The following TENM4 variants were observed in gnomAD, a reference collection of about 807,000 sequenced individuals.
TENM4 encodes teneurin-4.
A neutral mutation model predicts 243.3 loss-of-function variants in TENM4; 82 were observed. The ratio of observed to expected loss-of-function variants is 0.34; its 90% confidence interval spans 0.28 to 0.40. TENM4 has a LOEUF of 0.40. Ranked by LOEUF, TENM4 falls within the 10% of genes least tolerant of loss-of-function variation. The probability of loss-of-function intolerance (pLI) is 1.00; values close to 1 mark genes in which losing one functional copy is unlikely to be tolerated. For missense variants in TENM4, 3,138 were observed against 3,673.3 expected, an observed-to-expected ratio of 0.85 and a Z score of 3.77; for synonymous variants, 1,412 against 1,456.3, an observed-to-expected ratio of 0.97 and a Z score of 0.69.
At chr11:79,167,507 G>A (rs1454403171) in intron 3 of TENM4, among the ~76,000 whole-genome samples, 1 of 152,186 alleles carries the variant, frequency 6.6e-6, no homozygotes, top group Non-Finnish European at 1.5e-5. Flanking sequence ...AAGAAAATAA[G>A]GAGACACAGA....
intron 6 of TENM4, among the ~76,000 whole-genome samples, chr11:79,040,686 C>T (rs1244816616): frequency 2.6e-5 from 4 of 152,186 alleles, no homozygotes; most frequent in Admixed American, 2.6e-4. Flanking sequence ...GATGATGCTG[C>T]TGCCCCACTT....
intron 6 of TENM4, among the ~76,000 whole-genome samples, chr11:79,044,577 G>A (rs1046623788): frequency 2.0e-5 from 3 of 152,232 alleles, no homozygotes; most frequent in Admixed American, 1.3e-4. Flanking sequence ...GCTTGTGAGT[G>A]CTGGGCCTGA....
intron 15 of TENM4, among the ~76,000 whole-genome samples, chr11:78,803,682 G>A (rs1857329747): frequency 6.6e-6 from 1 of 152,182 alleles, no homozygotes; most frequent in African/African-American, 2.4e-5. Context: ...AGAATACTTA[G>A]TAATCTCATC....
chr11:78,709,506 G>A (rs1265153545), intron 26 of TENM4, among the ~76,000 whole-genome samples: 1 of 152,140 alleles, frequency 6.6e-6, no homozygotes, highest in Non-Finnish European at 1.5e-5. Context: ...AAGTCACTGA[G>A]CATCTCTGTG....
At position 79,163,150 on chromosome 11, in the gene TENM4, A is replaced by C. The variant is rs573343444; in HGVS notation, c.-162-14344T>G. 3.3e-5 allele frequency among the ~76,000 whole-genome samples: 5 copies of C among 152,142 alleles called. No homozygotes were observed. In the East Asian group the frequency reaches 9.7e-4, roughly 29 times the overall value. ...GGAGGACAGAATTTCCCTCTGCCCA[A>C]TGGCACAGACGATCTGAGAGGACAG... is the stretch of plus-strand genomic sequence containing the variant. On this transcript the variant is annotated intron_variant, in intron 3 of 33. Transcript: ENST00000278550.
intron 10 of TENM4, among the ~76,000 whole-genome samples, chr11:78,858,757 A>G (rs553704891): frequency 4.1e-4 from 63 of 152,300 alleles, no homozygotes; most frequent in Non-Finnish European, 7.9e-4. Flanking sequence ...ATTGGAGGCA[A>G]AAAGTCTTGT....
chr11:78,654,100 TTAAA>T lies in TENM4; in HGVS notation c.*3954_*3957del, dbSNP rs1361338990. 2.0e-5 allele frequency: 3 copies of T among 152,208 alleles called. No individual in the cohort carries two copies. The highest frequency in any genetic ancestry group is 3.8e-4 in the East Asian group (2 of 5,204). The allele number at this position is 152,208 out of a possible 1,614,324, so 9.4% of individuals were successfully genotyped here. On this transcript the variant is annotated 3_prime_UTR_variant, in exon 34 of 34. Transcript: ENST00000278550. The stretch of plus-strand genomic sequence containing the variant: ...TAAACCTAGCTGGGAATGATGTGCC[TTAAA>T]TAGAGAGGTTTTCATTCTAACAAGG...
chr11:78,775,290 C>G (rs1215123958), intron 17 of TENM4, among the ~76,000 whole-genome samples: 1 of 152,188 alleles, frequency 6.6e-6, no homozygotes, highest in East Asian at 1.9e-4. Context: ...GCATCTTGGG[C>G]ACATAGTCCA....
chr11:78,799,707 G>A (rs912838802), intron 15 of TENM4, among the ~76,000 whole-genome samples: 1 of 152,216 alleles, frequency 6.6e-6, no homozygotes, highest in Non-Finnish European at 1.5e-5. Flanking sequence ...CTGTGCCACT[G>A]AATCTCTAAA....
chr11:78,949,360 G>C (rs866601828), intron 6 of TENM4, among the ~76,000 whole-genome samples: 1 of 152,178 alleles, frequency 6.6e-6, no homozygotes, highest in South Asian at 2.1e-4. Flanking sequence ...CAGTAGGTGT[G>C]CTAGAAATCT....
intron 12 of TENM4, among the ~76,000 whole-genome samples, chr11:78,834,330 T>C (rs573503367): frequency 6.6e-6 from 1 of 152,348 alleles, no homozygotes; most frequent in South Asian, 2.1e-4. Context: ...AGTTCTCTTC[T>C]CCTATATTAT....
intron 26 of TENM4, among the ~76,000 whole-genome samples, chr11:78,709,475 C>G (rs568956627): frequency 1.1e-4 from 16 of 152,148 alleles, no homozygotes; most frequent in Non-Finnish European, 2.1e-4. Flanking sequence ...TCTCCCTGAC[C>G]CAACTTGTGT....
chr11:78,789,083 A>T (rs1288879466), intron 15 of TENM4, among the ~76,000 whole-genome samples: 1 of 152,154 alleles, frequency 6.6e-6, no homozygotes, highest in Non-Finnish European at 1.5e-5. Flanking sequence ...GGCTGGTCTA[A>T]TTCCTTTGAT....
chr11:79,254,009 G>A (rs1855657830), intron 2 of TENM4, among the ~76,000 whole-genome samples: 1 of 152,174 alleles, frequency 6.6e-6, no homozygotes, highest in African/African-American at 2.4e-5. Context: ...TCAGGTTGGT[G>A]AAAATGGAAA....
chr11:79,303,553 C>A (rs1856582234), intron 1 of TENM4, among the ~76,000 whole-genome samples: 1 of 152,112 alleles, frequency 6.6e-6, no homozygotes, highest in African/African-American at 2.4e-5. Flanking sequence ...ACTCATTTAA[C>A]CCTTATAAAT....
At chr11:78,947,613 G>C (rs962626042) in intron 6 of TENM4, among the ~76,000 whole-genome samples, 2 of 152,250 alleles carry the variant, frequency 1.3e-5, no homozygotes, top group African/African-American at 4.8e-5. Flanking sequence ...GACAGAGAGA[G>C]TGCGGGGGCA....
At chr11:79,379,125 G>A (rs1857950954) in intron 1 of TENM4, among the ~76,000 whole-genome samples, 2 of 152,148 alleles carry the variant, frequency 1.3e-5, no homozygotes, top group Admixed American at 1.3e-4. Context: ...CTTTACAAGC[G>A]AGGGTGCTGG....
chr11:79,201,048 T>C (rs954940698), intron 3 of TENM4, among the ~76,000 whole-genome samples: 3 of 152,200 alleles, frequency 2.0e-5, no homozygotes, highest in Non-Finnish European at 2.9e-5. Flanking sequence ...GAATCTTTTG[T>C]TCCAACTGGT....
At chr11:79,206,621 T>G (rs1488895261) in intron 3 of TENM4, among the ~76,000 whole-genome samples, 1 of 152,170 alleles carries the variant, frequency 6.6e-6, no homozygotes, top group East Asian at 1.9e-4. Flanking sequence ...GGCTGGTCTT[T>G]CCCATGCTAT....
Sources: gnomAD v4.1 joint callset for allele counts (sites outside exome capture counted in the v4.1 genomes callset) on GRCh38, gnomAD v4.1.1 for gene constraint, MANE v1.5 for transcripts, NCBI Gene and HGNC (gene_info 2026-07-23, HGNC 2026-07-21) for gene names.